Variants in DZANK1 observed in about 807,000 individuals in gnomAD.
DZANK1 encodes double zinc ribbon and ankyrin repeat domains 1, also known as double zinc ribbon and ankyrin repeat-containing protein 1.
A neutral mutation model predicts 94.5 loss-of-function variants in DZANK1; 91 were observed. The observed-to-expected ratio is 0.96, with a 90% CI of 0.81 to 1.15. DZANK1 has a LOEUF of 1.15. Ranked by LOEUF, DZANK1 falls within the 50% of genes most tolerant of loss-of-function variation. The pLI, the probability that DZANK1 is intolerant of heterozygous loss-of-function variation, is 0.00. For synonymous variants in DZANK1, 312 were observed against 325.3 expected (o/e 0.96, Z 0.44); for missense variants, 903 against 916.4 (o/e 0.99, Z 0.19).
chr20:18,457,408 C>T (rs1456955112), intron 3 of DZANK1, among the ~76,000 whole-genome samples: 2 of 152,058 alleles, frequency 1.3e-5, no homozygotes, highest in East Asian at 1.9e-4. Flanking sequence ...ACCCACGAGG[C>T]GGAGGTTGCA....
At chr20:18,440,058 C>T (rs1421912214) in intron 8 of DZANK1, among the ~76,000 whole-genome samples, 1 of 152,130 alleles carries the variant, frequency 6.6e-6, no homozygotes, top group Non-Finnish European at 1.5e-5. Context: ...GTTGTGTACC[C>T]AGAGGAAAGG....
intron 1 of DZANK1, among the ~76,000 whole-genome samples, chr20:18,466,528 T>C (rs528774130): frequency 6.6e-6 from 1 of 152,086 alleles, no homozygotes; most frequent in Non-Finnish European, 1.5e-5. Flanking sequence ...CCTACGGGAG[T>C]GTGGCTGGAC....
At chr20:18,404,076 C>T (rs1182697239) in intron 13 of DZANK1, among the ~76,000 whole-genome samples, 1 of 151,996 alleles carries the variant, frequency 6.6e-6, no homozygotes, top group Non-Finnish European at 1.5e-5. Context: ...CAGGCGTGAG[C>T]CACCGCGCCG....
chr20:18,451,261 G>A lies in DZANK1; in HGVS notation c.543+1354C>T, dbSNP rs576370062. Among the ~76,000 whole-genome samples, 3 of 152,198 alleles carry A rather than the reference G, an allele frequency of 2.0e-5. No individual in the cohort carries two copies. In the South Asian group the frequency reaches 6.2e-4, roughly 32 times the overall value. ...GCCCAGCCAATATGCCTTTTATTAA[G>A]GTCATAAGTCACCTCTATCTTGTCA... On this transcript the variant is annotated intron_variant, in intron 6 of 20. Transcript: ENST00000262547.
intron 9 of DZANK1, chr20:18,432,819 A>C (rs2058337273): frequency 6.6e-6 from 1 of 152,226 alleles, no homozygotes. Context: ...AAATTGAAGA[A>C]TGGAGAAAAT....
At chr20:18,398,611 T>C in exon 14 of DZANK1, 2 of 1,614,022 alleles carry the variant, frequency 1.2e-6, no homozygotes, top group South Asian at 1.1e-5. Flanking sequence ...GTGATCCAGC[T>C]GTCTTCTCCA....
intron 8 of DZANK1, among the ~76,000 whole-genome samples, chr20:18,434,256 A>T (rs998659557): frequency 6.6e-6 from 1 of 152,032 alleles, no homozygotes; most frequent in African/African-American, 2.4e-5. Flanking sequence ...CCCAAAAATG[A>T]ATCACAGGCT....
intron 13 of DZANK1, among the ~76,000 whole-genome samples, chr20:18,404,202 G>T (rs11699716): frequency 6.6e-6 from 1 of 151,836 alleles, no homozygotes; most frequent in Non-Finnish European, 1.5e-5. Flanking sequence ...CTTCTAGTGC[G>T]GCCCAGGGAA....
exon 13 of DZANK1, chr20:18,412,750 C>T (rs754779331): frequency 5.6e-6 from 9 of 1,613,654 alleles, no homozygotes; most frequent in South Asian, 5.5e-5. Context: ...TAGCAGCTTG[C>T]CAGATGGGTA....
chr20:18,384,457 C>T, exon 21 of DZANK1: 1 of 1,611,818 alleles, frequency 6.2e-7, no homozygotes, highest in Admixed American at 1.7e-5. Context: ...AAGCCCTTGG[C>T]CAAACTTGGC....
chr20:18,440,629 C>T (rs2058688422), intron 8 of DZANK1, among the ~76,000 whole-genome samples: 1 of 152,144 alleles, frequency 6.6e-6, no homozygotes, highest in African/African-American at 2.4e-5. Context: ...ACCCACAACC[C>T]CCTGTGAGGA....
intron 15 of DZANK1, among the ~76,000 whole-genome samples, chr20:18,396,219 A>G (rs149201594): frequency 1.8e-4 from 27 of 152,336 alleles, no homozygotes; most frequent in African/African-American, 6.5e-4. Flanking sequence ...TATATCACAG[A>G]CATGCCATCA....
At chr20:18,460,394 G>T in intron 2 of DZANK1, 88 bp from the exon 3 acceptor site, 2 of 974,212 alleles carry the variant, frequency 2.1e-6, no homozygotes. Flanking sequence ...AGATCTAAGT[G>T]TGTGATTTAA....
intron 6 of DZANK1, among the ~76,000 whole-genome samples, chr20:18,450,385 T>C (rs2059058235): frequency 6.6e-6 from 1 of 152,076 alleles, no homozygotes; most frequent in Non-Finnish European, 1.5e-5. Context: ...TCCCCATCTC[T>C]ACAAAAAGAA....
chr20:18,410,170 G>T (rs1257156898), intron 13 of DZANK1, among the ~76,000 whole-genome samples: 1 of 151,772 alleles, frequency 6.6e-6, no homozygotes, highest in African/African-American at 2.4e-5. Flanking sequence ...ATAAATAATA[G>T]TTCTTTTTTT....
intron 2 of DZANK1, among the ~76,000 whole-genome samples, chr20:18,461,474 T>C (rs1386876926): frequency 2.6e-5 from 4 of 152,336 alleles, no homozygotes; most frequent in East Asian, 1.9e-4. Flanking sequence ...TCCTTTTCTT[T>C]GTTTCTTTTG....
chr20:18,413,507 C>T (rs1430871645), intron 12 of DZANK1, among the ~76,000 whole-genome samples: 1 of 152,128 alleles, frequency 6.6e-6, no homozygotes, highest in South Asian at 2.1e-4. Flanking sequence ...AACGGCTGGG[C>T]ATGGTGGCTC....
Position 18,460,135 on chromosome 20 carries a change from A to G in DZANK1, c.263+18T>C. ...TATTATATCATAAATTAAATTAATC[A>G]CCATGCTCTTAACTTACTTAGAGAC... On this transcript the variant is annotated intron_variant, in intron 3 of 20. Transcript: ENST00000262547. The G allele has an allele frequency of 7.0e-7, 1 of 1,431,126 alleles. No individual in the cohort carries two copies. The highest frequency in any genetic ancestry group is 9.4e-7 in the Non-Finnish European group (1 of 1,068,348). The allele number at this position is 1,431,126 out of a possible 1,614,324, so 88.7% of individuals were successfully genotyped here. A position where few individuals can be genotyped will look rare whatever the true frequency, so the allele number is the denominator to read the frequency against.
chr20:18,450,834 T>A (rs2059072725), intron 6 of DZANK1, among the ~76,000 whole-genome samples: 1 of 152,246 alleles, frequency 6.6e-6, no homozygotes. Context: ...CCAAATTGGA[T>A]TTTATAAACA....
Sources: gnomAD v4.1 joint callset for allele counts (sites outside exome capture counted in the v4.1 genomes callset) on GRCh38, gnomAD v4.1.1 for gene constraint, MANE v1.5 for transcripts, NCBI Gene and HGNC (gene_info 2026-07-23, HGNC 2026-07-21) for gene names.